Variants in SGCD observed in about 807,000 individuals in gnomAD.
The protein encoded by SGCD is sarcoglycan delta.
A neutral mutation model predicts 36.6 loss-of-function variants in SGCD; 18 were observed. That is an observed-to-expected ratio of 0.49 (90% CI 0.34 to 0.73). The LOEUF (loss-of-function observed/expected upper bound fraction) is 0.73, where lower values mean the gene tolerates loss of function less well. SGCD is among the 30% of genes least tolerant of loss of function. The pLI is 0.01. For synonymous variants in SGCD, 133 were observed against 130.6 expected (o/e 1.02, Z -0.12); for missense variants, 387 against 346.7 (o/e 1.12, Z -0.92).
At chr5:156,290,162 T>C (rs1401057739) in intron 3 of SGCD, among the ~76,000 whole-genome samples, 1 of 152,102 alleles carries the variant, frequency 6.6e-6, no homozygotes, top group African/African-American at 2.4e-5. Flanking sequence ...TCTTCCCAAC[T>C]ACCCTAAACA....
intron 4 of SGCD, among the ~76,000 whole-genome samples, chr5:156,556,565 G>A (rs1374008016): frequency 6.6e-6 from 1 of 152,086 alleles, no homozygotes; most frequent in Non-Finnish European, 1.5e-5. Context: ...GTTTAACTTG[G>A]TTTTATTAAT....
At chr5:155,997,996 A>T (rs931944501) in intron 1 of SGCD, among the ~76,000 whole-genome samples, 1 of 152,206 alleles carries the variant, frequency 6.6e-6, no homozygotes, top group Non-Finnish European at 1.5e-5. Flanking sequence ...GAATCCTTAG[A>T]ATATGAGGTT....
chr5:156,241,686 A>C (rs1479340570), intron 3 of SGCD, among the ~76,000 whole-genome samples: 1 of 152,172 alleles, frequency 6.6e-6, no homozygotes, highest in East Asian at 1.9e-4. Context: ...GGAAATATCC[A>C]ATTTGCTGAG....
chr5:156,448,501 G>T (rs895710547), intron 3 of SGCD, among the ~76,000 whole-genome samples: 2 of 152,066 alleles, frequency 1.3e-5, no homozygotes, highest in African/African-American at 4.8e-5. Context: ...AACAGCTTTG[G>T]CAATCCCATC....
intron 3 of SGCD, among the ~76,000 whole-genome samples, chr5:156,229,284 A>ATATATATATATATATATGTGTG (rs1764948216): frequency 9.5e-6 from 1 of 105,752 alleles, no homozygotes; most frequent in African/African-American, 4.8e-5. Context: ...ATACATATAT[A>ATATATATATATATATATGTGTG]TATATATATA....
the SGCD span, among the ~76,000 whole-genome samples, chr5:155,799,812 C>CTTTT: frequency 1.5e-3 from 90 of 58,780 alleles, 3 homozygotes; most frequent in African/African-American, 2.6e-3. Context: ...TCCTATTCCC[C>CTTTT]TTTTTTTTTT....
At chr5:156,435,597 T>C (rs947633229) in intron 3 of SGCD, among the ~76,000 whole-genome samples, 10 of 152,218 alleles carry the variant, frequency 6.6e-5, no homozygotes, top group African/African-American at 2.4e-4. Context: ...AATTATTTTC[T>C]GTATCCGCTC....
intron 1 of SGCD, among the ~76,000 whole-genome samples, chr5:155,970,343 C>T (rs190909353): frequency 3.3e-5 from 5 of 152,134 alleles, no homozygotes; most frequent in East Asian, 1.9e-4. Context: ...CAACAACTTT[C>T]GTTTATTAGG....
At chr5:156,747,519 A>AGACTGTTG (rs1257350332) in intron 7 of SGCD, among the ~76,000 whole-genome samples, 2 of 152,134 alleles carry the variant, frequency 1.3e-5, no homozygotes, top group Admixed American at 6.5e-5. Flanking sequence ...AGTTCTCTGT[A>AGACTGTTG]GACTGTTGGA....
intron 1 of SGCD, among the ~76,000 whole-genome samples, chr5:155,873,286 T>TA (rs972343891): frequency 6.4e-4 from 98 of 152,044 alleles, no homozygotes; most frequent in African/African-American, 2.2e-3. Flanking sequence ...ATACATTTTT[T>TA]AAAAAAAAGT....
intron 3 of SGCD, among the ~76,000 whole-genome samples, chr5:156,389,948 G>T (rs1410226188): frequency 4.6e-5 from 7 of 152,118 alleles, no homozygotes; most frequent in African/African-American, 1.7e-4. Context: ...TTGATAATGG[G>T]GGTTCGATAA....
chr5:155,980,740 A>C (rs1362927312), intron 1 of SGCD, among the ~76,000 whole-genome samples: 1 of 151,752 alleles, frequency 6.6e-6, no homozygotes, highest in Non-Finnish European at 1.5e-5. Context: ...CCTTTATTTA[A>C]AAGGCGATGT....
intron 1 of SGCD, among the ~76,000 whole-genome samples, chr5:155,950,915 A>G (rs1757535962): frequency 6.6e-6 from 1 of 152,146 alleles, no homozygotes; most frequent in African/African-American, 2.4e-5. Context: ...CTGGTTTTAA[A>G]AGCATGTTTT....
intron 1 of SGCD, among the ~76,000 whole-genome samples, chr5:155,871,043 T>G (rs74512836): frequency 0.029 from 4,418 of 150,408 alleles, 155 homozygotes; most frequent in African/African-American, 0.089. Context: ...TTGATTTCGG[T>G]TTTTTTTTGC....
chr5:155,814,844 A>G, the SGCD span, among the ~76,000 whole-genome samples: 1 of 152,190 alleles, frequency 6.6e-6, no homozygotes, highest in Non-Finnish European at 1.5e-5. Context: ...AGTTTCAACA[A>G]AAGTCAAAAC....
intron 7 of SGCD, among the ~76,000 whole-genome samples, chr5:156,740,419 C>T (rs1756612002): frequency 6.6e-6 from 1 of 152,204 alleles, no homozygotes; most frequent in Non-Finnish European, 1.5e-5. Context: ...AATATATACA[C>T]TTTAAAGATT....
At chr5:156,450,638 A>G (rs74713233) in intron 3 of SGCD, among the ~76,000 whole-genome samples, 3,139 of 152,156 alleles carry the variant, frequency 0.021, 114 homozygotes, top group African/African-American at 0.071. Context: ...ACAGTATTCT[A>G]ATTGTTTTCT....
chr5:155,820,969 C>T, the SGCD span, among the ~76,000 whole-genome samples: 1 of 151,998 alleles, frequency 6.6e-6, no homozygotes, highest in African/African-American at 2.4e-5. Context: ...ACCCTGTAAG[C>T]TTGTTTTGGG....
intron 1 of SGCD, among the ~76,000 whole-genome samples, chr5:156,061,939 T>A (rs2062896218): frequency 9.1e-6 from 1 of 110,190 alleles, no homozygotes; most frequent in Admixed American, 9.0e-5. Context: ...TTTTTTTTTT[T>A]TTTTTATTAT....
Sources: allele counts gnomAD v4.1 joint callset (sites outside exome capture counted in the v4.1 genomes callset), GRCh38; gene constraint gnomAD v4.1.1; transcripts MANE v1.5; gene names NCBI Gene and HGNC (gene_info 2026-07-23, HGNC 2026-07-21).